The following HHIPL2 variants were observed in gnomAD, a reference collection of about 807,000 sequenced individuals.
The protein encoded by HHIPL2 is HHIP like 2.
HHIPL2 carries 61 observed loss-of-function variants against 61.0 expected under a neutral mutation model. The ratio of observed to expected loss-of-function variants is 1.00; its 90% CI spans 0.81 to 1.24. HHIPL2 has a LOEUF of 1.24. Among genes scored for constraint, HHIPL2 ranks in the 50% most tolerant of loss-of-function variants. HHIPL2 has a pLI of 0.00. For synonymous variants in HHIPL2, 343 were observed against 357.4 expected (o/e 0.96, Z 0.45); for missense variants, 885 against 910.2 (o/e 0.97, Z 0.36).
At chr1:222,524,873 A>T (rs376646629) in intron 7 of HHIPL2, 1 of 151,882 alleles carries the variant, frequency 6.6e-6, no homozygotes, top group Non-Finnish European at 1.5e-5. Context: ...TCCTAAAATG[A>T]CCTCTCCACA....
chr1:222,538,753 G>A lies in HHIPL2; in HGVS notation c.1472C>T (p.Ala491Val), dbSNP rs1379115623. Reference sequence around the variant, plus strand: ...TGACTTCCCCACTGCATGGCCATAAGCATAGATTGGCAGAACATCATCTGT... The same window carrying A: ...TGACTTCCCCACTGCATGGCCATAAACATAGATTGGCAGAACATCATCTGT... ...ASLDDVLPIY[A>V]YGHAVGKSVT... Residue 491 changes from alanine to valine, a missense_variant, in exon 5 of 9, where the codon GCT (alanine) becomes GTT (valine). Ala to Val is a moderately conservative substitution (Grantham distance 64, BLOSUM62 0). Transcript: ENST00000343410. The A allele has an allele frequency of 3.7e-6, 6 of 1,614,028 alleles. No individual in the cohort carries two copies. Among genetic ancestry groups the A allele is most frequent in the African/African-American group, 1.3e-5 (1 of 74,948 alleles).
At chr1:222,544,859 G>C (rs561732649) in intron 1 of HHIPL2, among the ~76,000 whole-genome samples, 1 of 152,204 alleles carries the variant, frequency 6.6e-6, no homozygotes, top group Non-Finnish European at 1.5e-5. Context: ...GACATTGGAT[G>C]TATCACTCTC....
rs569587789 is a variant in HHIPL2 at position 222,523,614 on chromosome 1, G to A, written c.1886C>T (p.Ala629Val). The change falls in exon 8 of 9, where the codon GCC becomes GTC. Residue 629 changes from alanine (A) to valine (V), a missense_variant and splice_region_variant. By Grantham distance (64) the Ala-to-Val change is moderately conservative (BLOSUM62 0). Coordinates refer to ENST00000343410, the MANE Select transcript of HHIPL2 (RefSeq NM_024746.4). ...KSKRIPFRPL[A>V]KTVLDLLKEQ... is the part of the protein sequence containing the mutation. ...CTAAGACTCAAAGATGGACTCACTG[G>A]CGAGTGGTCTGAACGGGATCCGCTT... 2 of 1,614,056 alleles carry A rather than the reference G, an allele frequency of 1.2e-6. No individual in the cohort carries two copies. The highest frequency in any genetic ancestry group is 4.5e-5 in the East Asian group (2 of 44,876).
Position 222,527,132 on chromosome 1 carries a change from A to G in HHIPL2, c.1724-82T>C. ...GAGTTGGATGCACAGAAAATGGTCA[A>G]AAAGAGGTTATGGCCCTAAAATGCA... On this transcript the variant is annotated intron_variant, in intron 6 of 8. Transcript: ENST00000343410. The G allele has an allele frequency of 2.8e-6, 3 of 1,087,936 alleles. No homozygotes were observed. The Admixed American group carries it at 6.6e-5, about 24-fold the overall frequency. 67.4% of individuals were successfully genotyped at this position (1,087,936 alleles called of 1,614,324 possible).
chr1:222,541,964 C>G, intron 3 of HHIPL2, 48 bp downstream of exon 3: 3 of 1,549,886 alleles, frequency 1.9e-6, no homozygotes, highest in Non-Finnish European at 2.6e-6. Flanking sequence ...AACACCACAC[C>G]AGGGGCTCAC....
At chr1:222,527,078 A>C in intron 6 of HHIPL2, 28 bp from the exon 7 acceptor site, 1 of 1,539,968 alleles carries the variant, frequency 6.5e-7, no homozygotes, top group Non-Finnish European at 9.0e-7. Flanking sequence ...GACAGGCAAT[A>C]ATGGGACATC....
chr1:222,527,124 A>T, intron 6 of HHIPL2, 74 bp from the exon 7 acceptor site: 1 of 1,187,598 alleles, frequency 8.4e-7, no homozygotes, highest in Non-Finnish European at 1.2e-6. Flanking sequence ...ATGCACAGAA[A>T]ATGGTCAAAA....
rs1238988685 is a variant in HHIPL2, at chr1:222,522,404, C to G, written c.*197G>C. 3 of 624,384 alleles carry G rather than the reference C, an allele frequency of 4.8e-6. No individual in the cohort carries two copies. Among genetic ancestry groups the G allele is most frequent in the Non-Finnish European group, 8.5e-6 (3 of 354,808 alleles). The allele number at this position is 624,384 out of a possible 1,614,324, so 38.7% of individuals were successfully genotyped here. On this transcript the variant is annotated 3_prime_UTR_variant, in exon 9 of 9. Coordinates refer to ENST00000343410, the MANE Select transcript of HHIPL2 (RefSeq NM_024746.4). ...ACCAGCAATCTGGGATATGGTCTCCCACAGAAGCACTGCATACAGAGAAGG... is the reference window on the plus strand; with the variant it reads ...ACCAGCAATCTGGGATATGGTCTCCGACAGAAGCACTGCATACAGAGAAGG...
intron 3 of HHIPL2, 29 bp from the exon 4 acceptor site, chr1:222,540,370 T>C: frequency 6.4e-7 from 1 of 1,567,676 alleles, no homozygotes; most frequent in Non-Finnish European, 8.7e-7. Context: ...AGAAGCAGAA[T>C]GAGGTAAGCA....
intron 7 of HHIPL2, chr1:222,524,805 T>C (rs764659120): frequency 2.0e-5 from 3 of 152,226 alleles, no homozygotes; most frequent in Non-Finnish European, 2.9e-5. Context: ...GGTCCACTTA[T>C]AGAAGCTTTA....
At chr1:222,534,161 T>A (rs1381637317) in intron 5 of HHIPL2, among the ~76,000 whole-genome samples, 1 of 152,206 alleles carries the variant, frequency 6.6e-6, no homozygotes, top group East Asian at 1.9e-4. Context: ...ATCACACTAC[T>A]TCCAAGTAAC....
intron 7 of HHIPL2, 106 bp from the exon 8 acceptor site, chr1:222,523,800 A>G: frequency 9.9e-7 from 1 of 1,010,082 alleles, no homozygotes; most frequent in Non-Finnish European, 1.6e-6. Context: ...GTCAGCCTTT[A>G]CTTATCCATG....
intron 8 of HHIPL2, 104 bp downstream of exon 8, chr1:222,523,508 G>C: frequency 9.7e-7 from 1 of 1,035,438 alleles, no homozygotes; most frequent in South Asian, 1.3e-5. Context: ...GTTTCCCTCA[G>C]GGGGTAACTA....
chr1:222,544,319 C>A, intron 1 of HHIPL2, 130 bp from the exon 2 acceptor site: 3 of 931,064 alleles, frequency 3.2e-6, no homozygotes, highest in African/African-American at 1.7e-5. Context: ...TTTTTGTTAC[C>A]AACTGCTGCT....
chr1:222,522,391 G>GTCT lies in HHIPL2; in HGVS notation c.*209_*210insAGA, dbSNP rs1658970451. The GTCT allele has an allele frequency of 3.3e-6, 2 of 600,054 alleles. No individual in the cohort carries two copies. Among genetic ancestry groups the GTCT allele is most frequent in the African/African-American group, 3.7e-5 (2 of 54,078 alleles). The allele number at this position is 600,054 out of a possible 1,614,324, so 37.2% of individuals were successfully genotyped here. A position where few individuals can be genotyped will look rare whatever the true frequency, so the allele number is the denominator to read the frequency against. ...ATAACCCAGGTGCACCAGCAATCTGGGATATGGTCTCCCACAGAAGCACTG... is the reference window on the plus strand; with the variant it reads ...ATAACCCAGGTGCACCAGCAATCTGGTCTGATATGGTCTCCCACAGAAGCACTG... On this transcript the variant is annotated 3_prime_UTR_variant, in exon 9 of 9. Transcript: ENST00000343410.
intron 1 of HHIPL2, among the ~76,000 whole-genome samples, chr1:222,547,068 T>C (rs1391664567): frequency 1.3e-5 from 2 of 152,230 alleles, no homozygotes; most frequent in Non-Finnish European, 2.9e-5. Flanking sequence ...TACACCCGTC[T>C]TGTTTTCAGG....
chr1:222,526,143 C>T (rs147810018), intron 7 of HHIPL2, among the ~76,000 whole-genome samples: 33 of 152,276 alleles, frequency 2.2e-4, no homozygotes, highest in African/African-American at 7.0e-4. Context: ...GGTATTGTGG[C>T]TTTTGCCTGT....
chr1:222,527,038 A>G lies in HHIPL2; in HGVS notation c.1736T>C (p.Phe579Ser). Residue 579 changes from phenylalanine to serine, a missense_variant, in exon 7 of 9, where the codon TTC becomes TCC. By Grantham distance (155) the Phe-to-Ser change is radical. Transcript: ENST00000343410. ...GGCACTTGGGTAAGAGGTCGCCAGG[A>G]AATACAGCTCCCCTAAGGCAACAAA... ...FAEDEAGELY[F>S]LATSYPSAYA... 6.2e-7 allele frequency: 1 copy of G among 1,613,266 alleles called. No individual in the cohort carries two copies. The highest frequency in any genetic ancestry group is 8.5e-7 in the Non-Finnish European group (1 of 1,179,634).
chr1:222,542,089 AT>A lies in HHIPL2; in HGVS notation c.1040del (p.Asp347ValfsTer35). The A allele has an allele frequency of 6.2e-7, 1 of 1,614,090 alleles. No individual in the cohort carries two copies. The highest frequency in any genetic ancestry group is 8.5e-7 in the Non-Finnish European group (1 of 1,180,004). Reference sequence around the variant, plus strand: ...CCCCAGTGAATATGTACATATAGCCATCCAGGCCAAAAAGAAGTTGTCCGCC... The same window carrying A: ...CCCCAGTGAATATGTACATATAGCCACCAGGCCAAAAAGAAGTTGTCCGCC... ...HNGGQLLFGL[D>X]GYMYIFTGDG... On this transcript the variant is annotated frameshift_variant, in exon 3 of 9. Coordinates refer to ENST00000343410, the MANE Select transcript of HHIPL2 (RefSeq NM_024746.4). LOFTEE classifies it high-confidence loss of function.
Sources: allele counts gnomAD v4.1 joint callset (sites outside exome capture counted in the v4.1 genomes callset), GRCh38; gene constraint gnomAD v4.1.1; transcripts MANE v1.5; gene names NCBI Gene and HGNC (gene_info 2026-07-23, HGNC 2026-07-21).